Variants in ZC3H12B observed in about 807,000 individuals in gnomAD.
The protein encoded by ZC3H12B is zinc finger CCCH-type containing 12B.
Under a neutral mutation model 43.9 loss-of-function variants are expected in ZC3H12B, and 7 were observed. The ratio of observed to expected loss-of-function variants is 0.16; its 90% confidence interval spans 0.09 to 0.30. The LOEUF (loss-of-function observed/expected upper bound fraction) is 0.30. Ranked by LOEUF, ZC3H12B falls within the 10% of genes least tolerant of loss-of-function variation. The pLI is 1.00. For missense variants in ZC3H12B, 475 were observed against 670.2 expected, an observed-to-expected ratio of 0.71 and a Z score of 3.22; for synonymous variants, 222 against 241.7, an observed-to-expected ratio of 0.92 and a Z score of 0.76.
At chrX:65,140,638 G>A in the ZC3H12B span, among the ~76,000 whole-genome samples, 2 of 111,807 alleles carry the variant, frequency 1.8e-5, no homozygotes, top group East Asian at 5.6e-4. Flanking sequence ...AGTTTGAGAA[G>A]GATTAATATT....
the ZC3H12B span, among the ~76,000 whole-genome samples, chrX:65,108,886 G>A: frequency 1.8e-5 from 2 of 111,054 alleles, no homozygotes; most frequent in African/African-American, 6.5e-5. Context: ...CTAGATGATG[G>A]GAATTTTTCA....
the ZC3H12B span, among the ~76,000 whole-genome samples, chrX:65,154,230 T>C: frequency 8.9e-6 from 1 of 112,037 alleles, no homozygotes; most frequent in East Asian, 2.8e-4. Context: ...TAAAGTACAA[T>C]AATAATAAAA....
At chrX:65,326,510 A>G in the ZC3H12B span, among the ~76,000 whole-genome samples, 1 of 110,351 alleles carries the variant, frequency 9.1e-6, no homozygotes, top group East Asian at 2.8e-4. Context: ...CAGGAATAGT[A>G]TAGGGTAGGG....
the ZC3H12B span, among the ~76,000 whole-genome samples, chrX:65,171,740 G>A: frequency 1.8e-5 from 2 of 110,876 alleles, no homozygotes; most frequent in Non-Finnish European, 3.8e-5. Context: ...CCTCAGCAAT[G>A]GTGGACGCCC....
chrX:65,101,891 G>A, the ZC3H12B span, among the ~76,000 whole-genome samples: 6 of 112,300 alleles, frequency 5.3e-5, no homozygotes, highest in Non-Finnish European at 1.1e-4. Context: ...TATGAGGCCA[G>A]CATCATCCTG....
intron 3 of ZC3H12B, among the ~76,000 whole-genome samples, chrX:65,450,789 G>GTA (rs748834962): frequency 3.2e-5 from 2 of 61,778 alleles, no homozygotes; most frequent in Non-Finnish European, 2.8e-5. Flanking sequence ...GTGTATATAT[G>GTA]TATATATATA....
chrX:65,294,995 A>T, the ZC3H12B span, among the ~76,000 whole-genome samples: 1 of 111,145 alleles, frequency 9.0e-6, no homozygotes, highest in African/African-American at 3.3e-5. Context: ...ATCCTAGAAA[A>T]AAAAAAGGAC....
At chrX:65,082,678 C>T in the ZC3H12B span, among the ~76,000 whole-genome samples, 91 of 111,113 alleles carry the variant, frequency 8.2e-4, 1 homozygote, top group East Asian at 0.024. Flanking sequence ...GAATTCTACC[C>T]AACCTTTAAA....
the ZC3H12B span, among the ~76,000 whole-genome samples, chrX:65,095,245 C>A: frequency 9.0e-6 from 1 of 111,340 alleles, no homozygotes; most frequent in South Asian, 3.7e-4. Flanking sequence ...TACAGATGAC[C>A]AAACCATGAT....
At chrX:65,146,074 G>A in the ZC3H12B span, among the ~76,000 whole-genome samples, 3 of 111,125 alleles carry the variant, frequency 2.7e-5, no homozygotes, top group African/African-American at 9.8e-5. Flanking sequence ...CCCCAAATAT[G>A]TTTTCCAAAC....
chrX:65,136,584 C>A, the ZC3H12B span, among the ~76,000 whole-genome samples: 1 of 111,283 alleles, frequency 9.0e-6, no homozygotes, highest in Non-Finnish European at 1.9e-5. Flanking sequence ...ACTGCCCCTT[C>A]TATGGTCCTT....
At chrX:65,149,777 A>T in the ZC3H12B span, among the ~76,000 whole-genome samples, 1 of 78,597 alleles carries the variant, frequency 1.3e-5, no homozygotes, top group Non-Finnish European at 2.0e-5. Flanking sequence ...TAATAATAAT[A>T]ATAATAATAA....
chrX:65,175,700 G>T, the ZC3H12B span, among the ~76,000 whole-genome samples: 1 of 111,615 alleles, frequency 9.0e-6, no homozygotes, highest in African/African-American at 3.3e-5. Context: ...CATTGGGACT[G>T]GTTGCACAGT....
At chrX:65,253,535 T>C in the ZC3H12B span, among the ~76,000 whole-genome samples, 1 of 112,119 alleles carries the variant, frequency 8.9e-6, no homozygotes, top group African/African-American at 3.2e-5. Flanking sequence ...AGGTTTTCCA[T>C]GCTCCCCTAG....
the ZC3H12B span, among the ~76,000 whole-genome samples, chrX:65,294,033 A>G: frequency 3.6e-5 from 4 of 111,691 alleles, no homozygotes; most frequent in Non-Finnish European, 5.7e-5. Flanking sequence ...CCAAAAGATC[A>G]TCAACTAGCC....
At chrX:65,378,915 C>T (rs186004112) in intron 2 of ZC3H12B, among the ~76,000 whole-genome samples, 204 of 112,505 alleles carry the variant, frequency 1.8e-3, no homozygotes, top group Non-Finnish European at 2.7e-3. Context: ...TAAAAAATGG[C>T]GCACCAGGAG....
At chrX:65,306,970 C>T in the ZC3H12B span, among the ~76,000 whole-genome samples, 1 of 112,145 alleles carries the variant, frequency 8.9e-6, no homozygotes, top group African/African-American at 3.2e-5. Context: ...AAAATGCAAA[C>T]TAATCTACCA....
At chrX:65,143,152 TTTG>T in the ZC3H12B span, among the ~76,000 whole-genome samples, 1 of 111,774 alleles carries the variant, frequency 8.9e-6, no homozygotes, top group Admixed American at 9.5e-5. Context: ...TGTGTTTCTA[TTTG>T]TTTGTGTCAT....
intron 3 of ZC3H12B, among the ~76,000 whole-genome samples, chrX:65,426,471 T>G (rs578245107): frequency 5.5e-5 from 6 of 108,805 alleles, no homozygotes; most frequent in African/African-American, 2.0e-4. Context: ...ACTATCTCCT[T>G]CAATTCAGCT....
Sources: allele counts gnomAD v4.1 joint callset (sites outside exome capture counted in the v4.1 genomes callset), GRCh38; gene constraint gnomAD v4.1.1; transcripts MANE v1.5; gene names NCBI Gene and HGNC (gene_info 2026-07-23, HGNC 2026-07-21).